TRPM3: variants seen among roughly 807,000 people sequenced by gnomAD.
The protein encoded by TRPM3 is transient receptor potential cation channel subfamily M member 3.
In TRPM3, 77 loss-of-function variants were observed where a neutral mutation model predicts 181.2. That is an observed-to-expected ratio of 0.42 (90% CI 0.35 to 0.51). The LOEUF is 0.51. TRPM3 is among the 20% of genes least tolerant of loss of function. TRPM3 has a pLI of 0.01. For missense variants in TRPM3, 1,759 were observed against 2,196.7 expected (o/e 0.80, Z 3.98); for synonymous variants, 745 against 796.4 (o/e 0.94, Z 1.09).
intron 1 of TRPM3, among the ~76,000 whole-genome samples, chr9:71,145,931 C>A (rs1336383465): frequency 6.6e-6 from 1 of 151,538 alleles, no homozygotes; most frequent in African/African-American, 2.4e-5. Flanking sequence ...AAAAAAAATT[C>A]TAAAGAACTA....
chr9:70,593,342 C>G (rs982278966), intron 21 of TRPM3, among the ~76,000 whole-genome samples: 3 of 152,164 alleles, frequency 2.0e-5, no homozygotes, highest in Non-Finnish European at 4.4e-5. Context: ...TTCATCCTCT[C>G]TCTTATTTTA....
intron 22 of TRPM3, among the ~76,000 whole-genome samples, chr9:70,563,205 T>C (rs1052989944): frequency 1.3e-5 from 2 of 152,228 alleles, no homozygotes; most frequent in Non-Finnish European, 2.9e-5. Flanking sequence ...GCTTGTTTTC[T>C]GAGCTGAGGC....
At chr9:71,143,985 T>G (rs2075273823) in intron 1 of TRPM3, among the ~76,000 whole-genome samples, 1 of 152,170 alleles carries the variant, frequency 6.6e-6, no homozygotes, top group African/African-American at 2.4e-5. Context: ...CATATATGTC[T>G]TCCCATTCAC....
chr9:70,685,888 T>G (rs1000292326), intron 8 of TRPM3, among the ~76,000 whole-genome samples: 2 of 83,358 alleles, frequency 2.4e-5, no homozygotes, highest in African/African-American at 1.2e-4. Context: ...ATTTTTTATA[T>G]GCACTGTCAT....
intron 1 of TRPM3, among the ~76,000 whole-genome samples, chr9:71,220,829 C>T (rs1322067946): frequency 6.6e-6 from 1 of 152,122 alleles, no homozygotes; most frequent in Non-Finnish European, 1.5e-5. Context: ...AGCTGACCAA[C>T]TTATTGACAC....
intron 1 of TRPM3, among the ~76,000 whole-genome samples, chr9:71,007,093 G>GAAAAAAAAAAA (rs71507021): frequency 1.1e-5 from 1 of 94,078 alleles, no homozygotes; most frequent in African/African-American, 4.2e-5. Context: ...GTCAGGAACA[G>GAAAAAAAAAAA]AAAAAAAAAA....
chr9:70,738,283 C>G (rs1418034212), intron 8 of TRPM3, among the ~76,000 whole-genome samples: 2 of 151,980 alleles, frequency 1.3e-5, no homozygotes, highest in African/African-American at 2.4e-5. Context: ...TTGGGTGAAC[C>G]ATAAAATCAA....
intron 1 of TRPM3, among the ~76,000 whole-genome samples, chr9:70,984,640 A>C (rs1312110649): frequency 6.6e-6 from 1 of 152,232 alleles, no homozygotes; most frequent in Non-Finnish European, 1.5e-5. Flanking sequence ...TGATGTAACA[A>C]CAGAAGCAGA....
At chr9:71,366,838 A>G (rs1298565793) in intron 1 of TRPM3, among the ~76,000 whole-genome samples, 1 of 152,106 alleles carries the variant, frequency 6.6e-6, no homozygotes, top group East Asian at 1.9e-4. Flanking sequence ...GCAGGGGTAA[A>G]TCTGTACATT....
chr9:70,531,500 AGACCAGGTTTG>A lies in TRPM3; in HGVS notation c.*4442_*4452del, dbSNP rs1188900275. On this transcript the variant is annotated 3_prime_UTR_variant, in exon 26 of 26. Coordinates refer to ENST00000677713, the MANE Select transcript of TRPM3 (RefSeq NM_001366145.2). ...CATGCATTTTGTTGACACAAAATTA[AGACCAGGTTTG>A]GAGAGAGATTACTTCATTTCAGTCA... 1.3e-5 allele frequency: 2 copies of A among 152,206 alleles called. No individual in the cohort carries two copies. Among genetic ancestry groups the A allele is most frequent in the African/African-American group, 4.8e-5 (2 of 41,450 alleles). The allele number at this position is 152,206 out of a possible 1,614,324, so 9.4% of individuals were successfully genotyped here.
intron 1 of TRPM3, among the ~76,000 whole-genome samples, chr9:71,136,427 G>C (rs929658085): frequency 1.3e-5 from 2 of 152,154 alleles, no homozygotes; most frequent in Non-Finnish European, 2.9e-5. Context: ...CATGTACCCA[G>C]GCTCATCCGC....
In TRPM3 at chr9:71,380,939, A is replaced by T. The variant is rs2092785405; in HGVS notation, c.183+65714T>A. On this transcript the variant is annotated intron_variant, in intron 1 of 24. Coordinates refer to the TRPM3 transcript ENST00000357533. ...AGGGGATGACAAAATGAAGACGACG[A>T]CAAAATGAAGACGACGACAAAATGA... 2.0e-5 allele frequency among the ~76,000 whole-genome samples: 3 copies of T among 152,190 alleles called. No individual in the cohort carries two copies. The South Asian group carries it at 6.2e-4, about 32-fold the overall frequency.
intron 1 of TRPM3, among the ~76,000 whole-genome samples, chr9:71,395,038 G>A (rs576510259): frequency 1.5e-4 from 23 of 152,150 alleles, no homozygotes; most frequent in Non-Finnish European, 2.4e-4. Context: ...TCAAAAGCCA[G>A]GGATGCTAAA....
At chr9:71,410,164 C>A (rs191315555) in intron 1 of TRPM3, among the ~76,000 whole-genome samples, 357 of 152,144 alleles carry the variant, frequency 2.3e-3, no homozygotes, top group African/African-American at 8.2e-3. Context: ...CAGGAAAGAT[C>A]TAAAATTGAC....
chr9:70,829,845 C>T (rs2093782510), intron 5 of TRPM3, among the ~76,000 whole-genome samples: 1 of 152,032 alleles, frequency 6.6e-6, no homozygotes, highest in Admixed American at 6.6e-5. Context: ...GAGTAGGTTG[C>T]TTGTGGTTAA....
chr9:70,695,451 C>T (rs2070066493), intron 8 of TRPM3, among the ~76,000 whole-genome samples: 1 of 152,226 alleles, frequency 6.6e-6, no homozygotes, highest in African/African-American at 2.4e-5. Context: ...CATGCTCTCT[C>T]TCCCTTTGTG....
intron 1 of TRPM3, among the ~76,000 whole-genome samples, chr9:71,014,233 T>A (rs2097767206): frequency 2.0e-5 from 3 of 152,064 alleles, no homozygotes; most frequent in Non-Finnish European, 4.4e-5. Flanking sequence ...ATTTTTGTTA[T>A]TTCTTGTTCT....
chr9:70,649,397 C>T (rs576537398), intron 9 of TRPM3, among the ~76,000 whole-genome samples: 24 of 152,102 alleles, frequency 1.6e-4, no homozygotes, highest in African/African-American at 4.1e-4. Flanking sequence ...CCATGTTGGC[C>T]GAGTTGGTCT....
At chr9:70,915,158 A>G (rs2096578379) in intron 1 of TRPM3, among the ~76,000 whole-genome samples, 3 of 152,224 alleles carry the variant, frequency 2.0e-5, no homozygotes, top group Non-Finnish European at 4.4e-5. Flanking sequence ...AAATAATTCA[A>G]AATAGCTGTT....
Sources: gnomAD v4.1 joint callset for allele counts (sites outside exome capture counted in the v4.1 genomes callset) on GRCh38, gnomAD v4.1.1 for gene constraint, MANE v1.5 for transcripts, NCBI Gene and HGNC (gene_info 2026-07-23, HGNC 2026-07-21) for gene names.